Variants in SP140L observed in about 807,000 individuals in gnomAD.
The protein encoded by SP140L is nuclear body protein SP140-like protein.
In SP140L, 64 loss-of-function variants were observed where a neutral mutation model predicts 84.3. The ratio of observed to expected loss-of-function variants is 0.76; its 90% CI spans 0.62 to 0.94. SP140L has a LOEUF of 0.94. SP140L is among the 40% of genes least tolerant of loss of function. The pLI, the probability that SP140L is intolerant of heterozygous loss-of-function variation, is 0.00. For missense variants in SP140L, 628 were observed against 692.5 expected (o/e 0.91, Z 1.05); for synonymous variants, 242 against 236.9 (o/e 1.02, Z -0.20).
At chr2:230,380,886 A>C (rs2149788176) in intron 7 of SP140L, among the ~76,000 whole-genome samples, 1 of 152,250 alleles carries the variant, frequency 6.6e-6, no homozygotes, top group South Asian at 2.1e-4. Flanking sequence ...GATGAACGTC[A>C]CCTCAAGTAT....
intron 6 of SP140L, among the ~76,000 whole-genome samples, chr2:230,371,235 T>C (rs1454866585): frequency 6.6e-6 from 1 of 152,246 alleles, no homozygotes; most frequent in East Asian, 1.9e-4. Flanking sequence ...ATATGTTAAG[T>C]CACACTCAAT....
intron 2 of SP140L, among the ~76,000 whole-genome samples, chr2:230,334,101 A>G (rs1037424944): frequency 1.3e-5 from 2 of 152,188 alleles, no homozygotes; most frequent in African/African-American, 4.8e-5. Flanking sequence ...GACACTAGAA[A>G]TCTGACTAGA....
rs1406763713 is a variant in SP140L, at chr2:230,327,286, G to A, written c.17G>A (p.Ser6Asn). The change falls in exon 1 of 19, where the codon AGC (serine) becomes AAC (asparagine). Residue 6 changes from serine (S) to asparagine (N), a missense_variant. This residue lies in a region of SP140L where 525 missense variants were observed against 518.4 expected (regional missense o/e 1.01). Coordinates refer to ENST00000415673, the MANE Select transcript of SP140L (RefSeq NM_138402.6). MAGGG[S>N]DLSTRGLNGG... ...GGTGGGACGATGGCAGGTGGGGGCA[G>A]CGACCTGAGCACCAGGTGAGTCTTT... 21 of 1,611,772 alleles carry A rather than the reference G, an allele frequency of 1.3e-5. No individual in the cohort carries two copies. The highest frequency in any genetic ancestry group is 1.8e-5 in the Non-Finnish European group (21 of 1,179,048).
chr2:230,364,722 C>G (rs2060816880), intron 5 of SP140L, among the ~76,000 whole-genome samples: 1 of 151,986 alleles, frequency 6.6e-6, no homozygotes, highest in African/African-American at 2.4e-5. Flanking sequence ...TGTTTCTGAT[C>G]TTAGAGGGAA....
chr2:230,346,616 T>C (rs1335225654), intron 2 of SP140L, among the ~76,000 whole-genome samples: 1 of 152,218 alleles, frequency 6.6e-6, no homozygotes, highest in Non-Finnish European at 1.5e-5. Flanking sequence ...TAATTTCAAA[T>C]GACTTCTCTT....
intron 4 of SP140L, among the ~76,000 whole-genome samples, chr2:230,360,501 G>A (rs1350110598): frequency 1.3e-5 from 2 of 152,178 alleles, no homozygotes; most frequent in Non-Finnish European, 1.5e-5. Context: ...GTCAGAAAGT[G>A]AATAAAAGGA....
chr2:230,391,150 T>C (rs971337046), intron 11 of SP140L, among the ~76,000 whole-genome samples: 2 of 152,242 alleles, frequency 1.3e-5, no homozygotes, highest in African/African-American at 2.4e-5. Context: ...ATTTTCACTC[T>C]TTGGCTGTTA....
At chr2:230,341,800 G>T (rs2060051479) in intron 2 of SP140L, among the ~76,000 whole-genome samples, 1 of 152,192 alleles carries the variant, frequency 6.6e-6, no homozygotes, top group South Asian at 2.1e-4. Flanking sequence ...CAGTTAGGCT[G>T]TTCGGGGGTC....
In SP140L at chr2:230,384,595, C is replaced by T. The variant is rs1270773224; in HGVS notation, c.704-629C>T. Among the ~76,000 whole-genome samples the T allele has an allele frequency of 2.6e-5, 4 of 152,176 alleles. No individual in the cohort carries two copies. The East Asian group carries it at 7.7e-4, about 29-fold the overall frequency. ...GTACATTTGTGTTTGGAAAGAAAAACAAGTGGTTGCATTTATTTTAAGAAT... is the reference window on the plus strand; with the variant it reads ...GTACATTTGTGTTTGGAAAGAAAAATAAGTGGTTGCATTTATTTTAAGAAT... On this transcript the variant is annotated intron_variant, in intron 8 of 18. Transcript: ENST00000415673.
intron 13 of SP140L, among the ~76,000 whole-genome samples, chr2:230,395,106 T>G (rs1421835796): frequency 6.6e-6 from 1 of 152,070 alleles, no homozygotes; most frequent in Non-Finnish European, 1.5e-5. Flanking sequence ...GTGGCTGGGA[T>G]TACAGGTGCC....
intron 2 of SP140L, among the ~76,000 whole-genome samples, chr2:230,355,596 C>G (rs2060518029): frequency 6.6e-6 from 1 of 152,124 alleles, no homozygotes; most frequent in Non-Finnish European, 1.5e-5. Flanking sequence ...AAGTCCAAGA[C>G]AATCTTTTCT....
chr2:230,361,464 ATCTCT>A, intron 4 of SP140L, 145 bp from the exon 5 acceptor site: 1 of 664,900 alleles, frequency 1.5e-6, no homozygotes. Context: ...TGTTGAGGTC[ATCTCT>A]TCTCTGTCCC....
chr2:230,397,605 C>G (rs1385470517), intron 14 of SP140L, among the ~76,000 whole-genome samples: 1 of 152,164 alleles, frequency 6.6e-6, no homozygotes, highest in Non-Finnish European at 1.5e-5. Flanking sequence ...CTTTTCATTG[C>G]AGTGAGATGC....
intron 2 of SP140L, among the ~76,000 whole-genome samples, chr2:230,337,772 T>G (rs1256797335): frequency 6.6e-6 from 1 of 152,092 alleles, no homozygotes; most frequent in African/African-American, 2.4e-5. Context: ...CATTGCTTGT[T>G]TTTCTCAGGT....
Position 230,393,402 on chromosome 2 carries a change from T to C in SP140L, c.1108-12T>C, listed in dbSNP as rs2061908628. On this transcript the variant is annotated splice_polypyrimidine_tract_variant and intron_variant, in intron 12 of 18. Coordinates refer to ENST00000415673, the MANE Select transcript of SP140L (RefSeq NM_138402.6). ...CAGGCTGACTATGTACCTTGGTCTT[T>C]TTATCTTTCAGGAAGGATCTCTACC... is the stretch of plus-strand genomic sequence containing the variant. 1.3e-6 allele frequency: 2 copies of C among 1,581,138 alleles called. No homozygotes were observed. The highest frequency in any genetic ancestry group is 1.4e-5 in the African/African-American group (1 of 73,430).
intron 5 of SP140L, among the ~76,000 whole-genome samples, chr2:230,363,137 A>G (rs1236810795): frequency 2.0e-5 from 3 of 152,200 alleles, no homozygotes; most frequent in African/African-American, 7.2e-5. Context: ...GCCCCATCAT[A>G]ACTGTAGGAG....
rs2061496705 is a variant in SP140L, at chr2:230,384,215, G to C, written c.703+640G>C. ...CTTCAACTTTTATAATGAAAAAATGGTCTTTAAAAGGCAACATATGCAAAA... is the reference window on the plus strand; with the variant it reads ...CTTCAACTTTTATAATGAAAAAATGCTCTTTAAAAGGCAACATATGCAAAA... On this transcript the variant is annotated intron_variant, in intron 8 of 18. Coordinates refer to ENST00000415673, the MANE Select transcript of SP140L (RefSeq NM_138402.6). Among the ~76,000 whole-genome samples the C allele has an allele frequency of 2.6e-5, 4 of 152,008 alleles. No individual in the cohort carries two copies. The South Asian group carries it at 8.3e-4, about 32-fold the overall frequency.
intron 18 of SP140L, 141 bp downstream of exon 18, chr2:230,401,948 C>A (rs62192247): frequency 0.014 from 13,101 of 906,494 alleles, 137 homozygotes; most frequent in Non-Finnish European, 0.018. Context: ...GGTTTCAGTT[C>A]AGAACTTAAG....
At chr2:230,358,276 G>C (rs1286516769) in intron 3 of SP140L, among the ~76,000 whole-genome samples, 1 of 152,134 alleles carries the variant, frequency 6.6e-6, no homozygotes, top group Non-Finnish European at 1.5e-5. Context: ...AATTGACAGA[G>C]CATTTTATTT....
Sources: allele counts gnomAD v4.1 joint callset (sites outside exome capture counted in the v4.1 genomes callset), GRCh38; gene constraint gnomAD v4.1.1; regional missense constraint gnomAD v4.1.1; transcripts MANE v1.5; gene names NCBI Gene and HGNC (gene_info 2026-07-23, HGNC 2026-07-21).